GRTP1: variants seen among roughly 807,000 people sequenced by gnomAD.
GRTP1 encodes the protein growth hormone regulated TBC protein 1, also known as growth hormone-regulated TBC protein 1.
A neutral mutation model predicts 38.1 loss-of-function variants in GRTP1; 56 were observed. The observed-to-expected ratio is 1.47, with a 90% CI of 1.19 to 1.84. The LOEUF is 1.84. Ranked by LOEUF, GRTP1 falls within the 40% of genes most tolerant of loss-of-function variation. The pLI, the probability that GRTP1 is intolerant of heterozygous loss-of-function variation, is 0.00. For missense variants in GRTP1, 506 were observed against 453.9 expected (o/e 1.11, Z -1.04); for synonymous variants, 217 against 189.5 (o/e 1.14, Z -1.19).
intron 5 of GRTP1, among the ~76,000 whole-genome samples, chr13:113,333,556 G>A (rs1415218810): frequency 1.3e-5 from 2 of 152,124 alleles, no homozygotes; most frequent in Non-Finnish European, 2.9e-5. Context: ...CCAGGCTGGA[G>A]AGCAGTGGCG....
Position 113,350,901 on chromosome 13 carries a change from T to C in GRTP1, c.413A>G (p.Tyr138Cys). Residue 138 changes from tyrosine (Y) to cysteine (C), a missense_variant, in exon 4 of 8, where the codon TAC becomes TGC. Physicochemically the swap from Tyr to Cys is radical, Grantham distance 194. Transcript: ENST00000375431. ...GTGCCCATATGCCAGCAGCACATTG[T>C]ACAGGGTCCTCTGTAAGCAGGGGTC... is the stretch of plus-strand genomic sequence containing the variant. ...TTDPCLQRTLYNVLLAYGHHN... is the reference protein window; with the variant it reads ...TTDPCLQRTLCNVLLAYGHHN... The C allele has an allele frequency of 6.2e-7, 1 of 1,611,448 alleles. No homozygotes were observed.
intron 2 of GRTP1, chr13:113,359,640 G>A (rs1199862977): frequency 6.6e-6 from 1 of 152,168 alleles, no homozygotes; most frequent in Non-Finnish European, 1.5e-5. Flanking sequence ...CACCAGCTCT[G>A]GAGTCAGACA....
chr13:113,345,524 C>T (rs549795763), intron 4 of GRTP1, among the ~76,000 whole-genome samples: 15 of 152,340 alleles, frequency 9.8e-5, no homozygotes, highest in South Asian at 2.1e-4. Context: ...CGTGAGTCAG[C>T]GCCATTTCCA....
At chr13:113,352,096 C>T (rs1379079355) in intron 3 of GRTP1, 3 of 115,692 alleles carry the variant, frequency 2.6e-5, no homozygotes, top group African/African-American at 1.0e-4. Flanking sequence ...TACAAAAGAG[C>T]CTTTTTTTTT....
At chr13:113,351,200 G>T (rs901368662) in intron 3 of GRTP1, among the ~76,000 whole-genome samples, 3 of 152,152 alleles carry the variant, frequency 2.0e-5, no homozygotes, top group Non-Finnish European at 2.9e-5. Context: ...CGTCCTTCCC[G>T]CAGAGTCAGG....
rs1334286865 is a variant in GRTP1 at position 113,333,834 on chromosome 13, A to G, written c.563-7743T>C. The stretch of plus-strand genomic sequence containing the variant: ...TATTTATTTATTTATTTATTTATTT[A>G]TTTAGTGTGTGTGTGTGTGTGTGTG... On this transcript the variant is annotated intron_variant, in intron 5 of 7. Coordinates refer to ENST00000375431, the MANE Select transcript of GRTP1 (RefSeq NM_024719.4). 5.4e-3 allele frequency among the ~76,000 whole-genome samples: 498 copies of G among 91,878 alleles called. 3 individuals are homozygous for G. The highest frequency in any genetic ancestry group is 0.022 in the African/African-American group (472 of 21,626). 60.3% of individuals were successfully genotyped at this position (91,878 alleles called of 152,430 possible).
At chr13:113,345,025 A>G in intron 4 of GRTP1, 66 bp from the exon 5 acceptor site, 1 of 1,533,362 alleles carries the variant, frequency 6.5e-7, no homozygotes. Flanking sequence ...TTCTGCAATC[A>G]TTCGGCTACA....
At position 113,347,239 on chromosome 13, in the gene GRTP1, C is replaced by T. The variant is rs113248811; in HGVS notation, c.466-2280G>A. On this transcript the variant is annotated intron_variant, in intron 4 of 7. Transcript: ENST00000375431. ...CCAGGAGGACCTCTGTGGCTGAGAG[C>T]GGACCTGGGAGGACCTCTGTGGCTG... 4.1e-3 allele frequency among the ~76,000 whole-genome samples: 82 copies of T among 19,948 alleles called. 8 individuals are homozygous for T. In the East Asian group the frequency reaches 0.051, roughly 12 times the overall value. 13.1% of individuals were successfully genotyped at this position (19,948 alleles called of 152,430 possible).
chr13:113,363,419 C>A (rs1206223477), intron 2 of GRTP1, among the ~76,000 whole-genome samples: 2 of 151,978 alleles, frequency 1.3e-5, no homozygotes, highest in Non-Finnish European at 1.5e-5. Context: ...GTTGGTCAGG[C>A]TGGTCTCAAA....
rs1289224253 is a variant in GRTP1 at position 113,352,254 on chromosome 13, TTA to T, written c.341-1283_341-1282del. Among the ~76,000 whole-genome samples the T allele has an allele frequency of 3.0e-4, 15 of 49,950 alleles. No homozygotes were observed. The East Asian group carries it at 4.6e-3, about 15-fold the overall frequency. The allele number at this position is 49,950 out of a possible 152,430, so 32.8% of individuals were successfully genotyped here. On this transcript the variant is annotated intron_variant, in intron 3 of 7. Transcript: ENST00000375431. ...TATTTATATATATATTTATATATATTTATATATTTTTATATTTTTATATATAT... is the reference window on the plus strand; with the variant it reads ...TATTTATATATATATTTATATATATTTATATTTTTATATTTTTATATATAT...
intron 2 of GRTP1, among the ~76,000 whole-genome samples, chr13:113,356,302 C>G (rs532911186): frequency 6.6e-6 from 1 of 151,926 alleles, no homozygotes; most frequent in East Asian, 1.9e-4. Context: ...GAGTCTTGTT[C>G]TGTCGCCCAG....
At chr13:113,326,396 A>G (rs1443008172) in intron 5 of GRTP1, among the ~76,000 whole-genome samples, 121 of 18,850 alleles carry the variant, frequency 6.4e-3, no homozygotes, top group Middle Eastern at 0.038. Context: ...GGGGGGCGGG[A>G]GCGTGGCTCA....
At chr13:113,326,693 C>T (rs994121171) in intron 5 of GRTP1, among the ~76,000 whole-genome samples, 2 of 151,888 alleles carry the variant, frequency 1.3e-5, no homozygotes, top group African/African-American at 2.4e-5. Context: ...AAACAAAAAT[C>T]TGCAGGTGGA....
intron 4 of GRTP1, among the ~76,000 whole-genome samples, chr13:113,347,515 GGAGC>G (rs2043176135): frequency 2.5e-5 from 2 of 79,542 alleles, no homozygotes; most frequent in African/African-American, 9.6e-5. Flanking sequence ...AGCGGACCCA[GGAGC>G]ACCTCTGTGG....
At position 113,331,308 on chromosome 13, in the gene GRTP1, A is replaced by G. The variant is rs572132122; in HGVS notation, c.563-5217T>C. ...ATTGACCATGGCAGAGACCAGGTGC[A>G]TGACCTGGGGGTTGGGGGCTCAGGG... On this transcript the variant is annotated intron_variant, in intron 5 of 7. Coordinates refer to ENST00000375431, the MANE Select transcript of GRTP1 (RefSeq NM_024719.4). Among the ~76,000 whole-genome samples the G allele has an allele frequency of 9.2e-5, 14 of 152,316 alleles. No individual in the cohort carries two copies. In the South Asian group the frequency reaches 2.9e-3, roughly 32 times the overall value.
At chr13:113,332,262 CCACA>C (rs1283202640) in intron 5 of GRTP1, among the ~76,000 whole-genome samples, 1 of 150,022 alleles carries the variant, frequency 6.7e-6, no homozygotes, top group Non-Finnish European at 1.5e-5. Flanking sequence ...CACACGCACA[CCACA>C]CACAGGTACA....
chr13:113,350,967 T>C lies in GRTP1; in HGVS notation c.347A>G (p.Asn116Ser). Residue 116 changes from asparagine to serine, a missense_variant, in exon 4 of 8, where the codon AAC (asparagine) becomes AGC (serine). Transcript: ENST00000375431. ...RLEDAIRTDL[N>S]RTFPDNVKFR... ...CTTCACGTTGTCGGGGAAGGTCCGGTTCAGGTCTGTGGGAAATTCAGAAGG... is the reference window on the plus strand; with the variant it reads ...CTTCACGTTGTCGGGGAAGGTCCGGCTCAGGTCTGTGGGAAATTCAGAAGG... 6.2e-7 allele frequency: 1 copy of C among 1,613,692 alleles called. No homozygotes were observed. Among genetic ancestry groups the C allele is most frequent in the Non-Finnish European group, 8.5e-7 (1 of 1,179,716 alleles).
chr13:113,341,185 G>A (rs1246309995), intron 5 of GRTP1, among the ~76,000 whole-genome samples: 3 of 151,706 alleles, frequency 2.0e-5, no homozygotes, highest in African/African-American at 4.9e-5. Context: ...TGAAATGGGG[G>A]AACTGTGGGA....
At chr13:113,326,176 C>T (rs1595470145) in intron 5 of GRTP1, 85 bp from the exon 6 acceptor site, 2 of 1,527,458 alleles carry the variant, frequency 1.3e-6, no homozygotes. Context: ...ACAAAGACAA[C>T]AGGGCCACCC....
Sources: allele counts gnomAD v4.1 joint callset (sites outside exome capture counted in the v4.1 genomes callset), GRCh38; gene constraint gnomAD v4.1.1; transcripts MANE v1.5; gene names NCBI Gene and HGNC (gene_info 2026-07-23, HGNC 2026-07-21).